ESR1: variants seen among roughly 807,000 people sequenced by gnomAD.
The protein encoded by ESR1 is estrogen receptor 1, also known as estrogen receptor.
In ESR1, 12 loss-of-function variants were observed where a neutral mutation model predicts 52.7. That is an observed-to-expected ratio of 0.23 (90% CI 0.15 to 0.37). The LOEUF is 0.37. Among genes scored for constraint, ESR1 ranks in the 10% least tolerant of loss-of-function variants. The probability of loss-of-function intolerance (pLI) is 1.00; values close to 1 mark genes in which losing one functional copy is unlikely to be tolerated. For synonymous variants in ESR1, 305 were observed against 316.8 expected, an observed-to-expected ratio of 0.96 and a Z score of 0.39; for missense variants, 584 against 779.7, an observed-to-expected ratio of 0.75 and a Z score of 2.99.
chr6:151,832,686 C>T (rs1287975347), intron 1 of ESR1, among the ~76,000 whole-genome samples: 9 of 152,082 alleles, frequency 5.9e-5, no homozygotes, highest in Non-Finnish European at 8.8e-5. Flanking sequence ...TTAATTTATT[C>T]GGTAAGTATT....
intron 2 of ESR1, among the ~76,000 whole-genome samples, chr6:151,794,495 T>A (rs1409429937): frequency 6.6e-6 from 1 of 152,144 alleles, no homozygotes; most frequent in Non-Finnish European, 1.5e-5. Flanking sequence ...ACTTCCAAAT[T>A]TTTTTTATTT....
At chr6:152,064,781 A>G (rs2047832814) in intron 6 of ESR1, among the ~76,000 whole-genome samples, 2 of 152,204 alleles carry the variant, frequency 1.3e-5, no homozygotes, top group Non-Finnish European at 2.9e-5. Context: ...TCATTCAGTC[A>G]TTTAATAGAT....
chr6:151,951,825 C>T lies in ESR1; in HGVS notation c.1096+7317C>T, dbSNP rs1584429017. Among the ~76,000 whole-genome samples the T allele has an allele frequency of 5.3e-5, 8 of 152,330 alleles. No individual in the cohort carries two copies. In the South Asian group the frequency reaches 1.7e-3, roughly 32 times the overall value. ...GCCGTTTTCCTCTTTGTCCCTTTAC[C>T]ATCAAGCTCAGTTGCTTCTCCTACT... On this transcript the variant is annotated intron_variant, in intron 4 of 7. Transcript: ENST00000206249.
intron 4 of ESR1, among the ~76,000 whole-genome samples, chr6:151,959,945 G>C (rs1562598554): frequency 6.6e-6 from 1 of 152,132 alleles, no homozygotes; most frequent in Non-Finnish European, 1.5e-5. Flanking sequence ...TGTACTATGT[G>C]TTCAAGTGTT....
At chr6:151,804,183 G>T (rs1447383627), upstream of ESR1, among the ~76,000 whole-genome samples, 1 of 152,206 alleles carries the variant, frequency 6.6e-6, no homozygotes, top group Non-Finnish European at 1.5e-5. Flanking sequence ...CAGGGACAAG[G>T]CTCACCAAGA....
chr6:151,701,529 CA>C (rs57589542), intron 1 of ESR1, among the ~76,000 whole-genome samples: 67 of 89,410 alleles, frequency 7.5e-4, no homozygotes, highest in East Asian at 4.9e-3. Context: ...CACTACATCT[CA>C]AAAAAAAAAA....
intron 2 of ESR1, among the ~76,000 whole-genome samples, chr6:151,773,517 G>T (rs1005369982): frequency 1.3e-5 from 2 of 152,180 alleles, no homozygotes; most frequent in African/African-American, 4.8e-5. Flanking sequence ...AAAGCCTATG[G>T]ACAAGGATAA....
intron 1 of ESR1, among the ~76,000 whole-genome samples, chr6:151,835,114 AGAG>A (rs1783104597): frequency 1.3e-5 from 2 of 152,160 alleles, no homozygotes; most frequent in Admixed American, 6.6e-5. Context: ...TTTTCAGAGA[AGAG>A]GAAGGGTGCT....
chr6:151,766,404 C>G (rs1236311163), intron 2 of ESR1, among the ~76,000 whole-genome samples: 1 of 152,056 alleles, frequency 6.6e-6, no homozygotes, highest in Non-Finnish European at 1.5e-5. Flanking sequence ...TTGCTTGAGC[C>G]TGGGAAGCGG....
chr6:151,975,145 T>C (rs983366705), intron 4 of ESR1, among the ~76,000 whole-genome samples: 3 of 152,194 alleles, frequency 2.0e-5, no homozygotes, highest in Non-Finnish European at 4.4e-5. Flanking sequence ...GGCACCTATC[T>C]TTCAGTCCCT....
At chr6:151,900,633 G>C (rs1209947012) in intron 3 of ESR1, among the ~76,000 whole-genome samples, 3 of 152,214 alleles carry the variant, frequency 2.0e-5, no homozygotes, top group Non-Finnish European at 2.9e-5. Flanking sequence ...CCCACAGGTT[G>C]TTTTCTTGAT....
At chr6:151,884,417 C>T (rs1351196830) in intron 3 of ESR1, among the ~76,000 whole-genome samples, 1 of 152,206 alleles carries the variant, frequency 6.6e-6, no homozygotes, top group Non-Finnish European at 1.5e-5. Context: ...ATGTTTTCAA[C>T]CATTAGGGTT....
At position 151,680,660 on chromosome 6, in the gene ESR1, G is replaced by A. The variant is rs1778424321; in HGVS notation, n.74-21215G>A. Among the ~76,000 whole-genome samples the A allele has an allele frequency of 2.0e-5, 3 of 152,124 alleles. No homozygotes were observed. The South Asian group carries it at 6.2e-4, about 32-fold the overall frequency. On this transcript the variant is annotated intron_variant and non_coding_transcript_variant, in intron 1 of 2. Transcript: ENST00000473497. ...CTGTCGCCATCATATTGGGGGTTTG[G>A]ATTTCAGCATATGGATTTTGGGGGG... is the stretch of plus-strand genomic sequence containing the variant.
intron 2 of ESR1, among the ~76,000 whole-genome samples, chr6:151,786,732 T>C (rs1787065309): frequency 6.6e-6 from 1 of 151,938 alleles, no homozygotes; most frequent in Non-Finnish European, 1.5e-5. Context: ...AAAAATATGC[T>C]CAGTTTCAAT....
intron 2 of ESR1, among the ~76,000 whole-genome samples, chr6:151,723,914 C>T (rs1003057213): frequency 1.3e-5 from 2 of 151,914 alleles, no homozygotes; most frequent in Non-Finnish European, 2.9e-5. Context: ...CCCCCTAAAT[C>T]TATAAAATTT....
chr6:151,848,665 G>A (rs910931418), intron 2 of ESR1, among the ~76,000 whole-genome samples: 4 of 152,030 alleles, frequency 2.6e-5, no homozygotes, highest in Non-Finnish European at 5.9e-5. Flanking sequence ...GAGGCTGCCC[G>A]CCCATCATGT....
chr6:152,013,411 T>C (rs760498100), intron 5 of ESR1, among the ~76,000 whole-genome samples: 3 of 152,188 alleles, frequency 2.0e-5, no homozygotes, highest in Non-Finnish European at 2.9e-5. Flanking sequence ...ACTCATTTGC[T>C]CCTTGATTTC....
At chr6:151,988,081 G>A (rs1211974805) in intron 4 of ESR1, among the ~76,000 whole-genome samples, 1 of 152,028 alleles carries the variant, frequency 6.6e-6, no homozygotes, top group Non-Finnish European at 1.5e-5. Flanking sequence ...ACCAGTGTGG[G>A]GGCTGGAAGG....
chr6:152,013,924 T>C (rs2042969169), intron 5 of ESR1, among the ~76,000 whole-genome samples: 1 of 152,102 alleles, frequency 6.6e-6, no homozygotes, highest in Non-Finnish European at 1.5e-5. Flanking sequence ...TGTGTCCTCA[T>C]CCAAATCTCA....
Sources: allele counts gnomAD v4.1 joint callset (sites outside exome capture counted in the v4.1 genomes callset), GRCh38; gene constraint gnomAD v4.1.1; transcripts MANE v1.5; gene names NCBI Gene and HGNC (gene_info 2026-07-23, HGNC 2026-07-21).